GNAQ: variants seen among roughly 807,000 people sequenced by gnomAD.
GNAQ encodes guanine nucleotide-binding protein G(q) subunit alpha.
Under a neutral mutation model 43.9 loss-of-function variants are expected in GNAQ, and 8 were observed. The observed-to-expected ratio is 0.18, with a 90% confidence interval of 0.11 to 0.33. GNAQ has a LOEUF of 0.33. Ranked by LOEUF, GNAQ falls within the 10% of genes least tolerant of loss-of-function variation. The probability of loss-of-function intolerance (pLI) is 1.00; values close to 1 mark genes in which losing one functional copy is unlikely to be tolerated. For missense variants in GNAQ, 158 were observed against 450.8 expected (o/e 0.35, Z 5.88); for synonymous variants, 155 against 170.7 (o/e 0.91, Z 0.71).
intron 1 of GNAQ, among the ~76,000 whole-genome samples, chr9:77,928,064 A>G (rs1216315464): frequency 1.3e-5 from 2 of 152,214 alleles, no homozygotes; most frequent in Non-Finnish European, 2.9e-5. Flanking sequence ...ATTTTCTACC[A>G]ATAAGCACAT....
chr9:77,815,962 A>G (rs1051085545), intron 2 of GNAQ, among the ~76,000 whole-genome samples, 192 bp from the exon 3 acceptor site: 1 of 152,132 alleles, frequency 6.6e-6, no homozygotes. Context: ...CTTTCCCTCT[A>G]GAGTAAACCT....
intron 1 of GNAQ, among the ~76,000 whole-genome samples, chr9:77,943,509 C>T (rs1366417649): frequency 6.6e-6 from 1 of 152,080 alleles, no homozygotes; most frequent in East Asian, 1.9e-4. Context: ...AAGAGTCAGA[C>T]TGGATAAACT....
chr9:77,904,478 G>A (rs1037929266), intron 2 of GNAQ, among the ~76,000 whole-genome samples: 3 of 151,614 alleles, frequency 2.0e-5, no homozygotes, highest in Non-Finnish European at 2.9e-5. Context: ...GACTACAGGC[G>A]TCTACCACCA....
At chr9:77,772,257 T>C (rs944903558) in intron 5 of GNAQ, among the ~76,000 whole-genome samples, 1 of 152,258 alleles carries the variant, frequency 6.6e-6, no homozygotes, top group Non-Finnish European at 1.5e-5. Flanking sequence ...CAATTTCATT[T>C]AAATGTATTT....
intron 5 of GNAQ, among the ~76,000 whole-genome samples, chr9:77,744,355 C>T (rs1825698378): frequency 6.6e-6 from 1 of 152,110 alleles, no homozygotes; most frequent in Admixed American, 6.5e-5. Flanking sequence ...TGAAGGCAGC[C>T]CAGAGCCTTT....
At chr9:77,785,563 G>A (rs531722427) in intron 5 of GNAQ, among the ~76,000 whole-genome samples, 2 of 152,270 alleles carry the variant, frequency 1.3e-5, no homozygotes, top group South Asian at 4.1e-4. Context: ...GGCAGATGGT[G>A]ACTACATGGA....
At chr9:77,990,017 T>C (rs111898408) in intron 1 of GNAQ, among the ~76,000 whole-genome samples, 1 of 152,154 alleles carries the variant, frequency 6.6e-6, no homozygotes, top group African/African-American at 2.4e-5. Flanking sequence ...AGTGTCTTCA[T>C]TTTTATTAAA....
intron 1 of GNAQ, among the ~76,000 whole-genome samples, chr9:77,938,668 G>A (rs1349132033): frequency 6.6e-6 from 1 of 152,170 alleles, no homozygotes; most frequent in Non-Finnish European, 1.5e-5. Context: ...GCTTGAACCT[G>A]GGAATCCGAG....
At chr9:77,845,084 T>C (rs1046207313) in intron 2 of GNAQ, among the ~76,000 whole-genome samples, 1 of 152,158 alleles carries the variant, frequency 6.6e-6, no homozygotes, top group Admixed American at 6.6e-5. Context: ...AACATGAAAT[T>C]AGTTTTTTTT....
intron 1 of GNAQ, among the ~76,000 whole-genome samples, chr9:77,954,028 T>C (rs1027904439): frequency 6.6e-6 from 1 of 152,234 alleles, no homozygotes; most frequent in Non-Finnish European, 1.5e-5. Flanking sequence ...ACATATTTTC[T>C]TCCAGAAAAA....
chr9:77,722,437 T>A lies in GNAQ; in HGVS notation c.890-924A>T, dbSNP rs1046615919. 2.6e-5 allele frequency among the ~76,000 whole-genome samples: 4 copies of A among 151,924 alleles called. 1 individual carries two copies. The highest frequency in any genetic ancestry group is 5.9e-5 in the Non-Finnish European group (4 of 67,992). The stretch of plus-strand genomic sequence containing the variant: ...CAGGTGTGAGCCACTGTGCCCAACC[T>A]ATATTTTCTTACATTGATTTAAGAA... On this transcript the variant is annotated intron_variant, in intron 6 of 6. Coordinates refer to ENST00000286548, the MANE Select transcript of GNAQ (RefSeq NM_002072.5).
At chr9:77,757,002 T>C (rs182790202) in intron 5 of GNAQ, among the ~76,000 whole-genome samples, 4 of 152,314 alleles carry the variant, frequency 2.6e-5, no homozygotes, top group Non-Finnish European at 4.4e-5. Context: ...TAACAGCTTG[T>C]TATCTCTACT....
intron 1 of GNAQ, among the ~76,000 whole-genome samples, chr9:78,002,940 G>T (rs926596016): frequency 5.3e-5 from 8 of 151,902 alleles, no homozygotes; most frequent in African/African-American, 1.9e-4. Context: ...TACACAGGAG[G>T]TCTCAAACAA....
intron 1 of GNAQ, among the ~76,000 whole-genome samples, chr9:77,934,563 C>CA (rs1318717272): frequency 6.6e-6 from 1 of 151,984 alleles, no homozygotes; most frequent in Non-Finnish European, 1.5e-5. Context: ...TAGGAAGTCT[C>CA]AAAAAATACG....
chr9:77,954,938 T>C (rs1001710456), intron 1 of GNAQ, among the ~76,000 whole-genome samples: 12 of 152,132 alleles, frequency 7.9e-5, no homozygotes, highest in African/African-American at 2.9e-4. Flanking sequence ...CATGTTCAAT[T>C]TTCATTAAAT....
chr9:77,734,560 G>A (rs1825547122), intron 5 of GNAQ, among the ~76,000 whole-genome samples: 1 of 152,202 alleles, frequency 6.6e-6, no homozygotes, highest in East Asian at 1.9e-4. Context: ...CAGCTGACCT[G>A]AGGTAGGATG....
chr9:77,810,337 A>C (rs1017370840), intron 3 of GNAQ, among the ~76,000 whole-genome samples: 6 of 152,192 alleles, frequency 3.9e-5, no homozygotes, highest in African/African-American at 1.2e-4. Context: ...GGAATAAGCA[A>C]ATTTGAATTC....
chr9:77,718,115 T>C lies in GNAQ; in HGVS notation c.*3208A>G. 1 of 232,914 alleles carries C rather than the reference T, an allele frequency of 4.3e-6. No homozygotes were observed. The highest frequency in any genetic ancestry group is 8.5e-6 in the Non-Finnish European group (1 of 117,822). 14.4% of individuals were successfully genotyped at this position (232,914 alleles called of 1,614,324 possible). On this transcript the variant is annotated 3_prime_UTR_variant, in exon 7 of 7. Coordinates refer to ENST00000286548, the MANE Select transcript of GNAQ (RefSeq NM_002072.5). ...TGAGTCATGAAATGGCTGCTTGCCTTGGTATGCTGAAGAAAGGTTTCTGTG... is the reference window on the plus strand; with the variant it reads ...TGAGTCATGAAATGGCTGCTTGCCTCGGTATGCTGAAGAAAGGTTTCTGTG...
intron 1 of GNAQ, among the ~76,000 whole-genome samples, chr9:78,023,910 T>C (rs1241498451): frequency 6.6e-6 from 1 of 152,208 alleles, no homozygotes; most frequent in Non-Finnish European, 1.5e-5. Context: ...GGGTCAATTA[T>C]GTGTGTATAA....
Sources: gnomAD v4.1 joint callset for allele counts (sites outside exome capture counted in the v4.1 genomes callset) on GRCh38, gnomAD v4.1.1 for gene constraint, MANE v1.5 for transcripts, NCBI Gene and HGNC (gene_info 2026-07-23, HGNC 2026-07-21) for gene names.